Variants in ANGPT1 observed in about 807,000 individuals in gnomAD.
ANGPT1 encodes the protein angiopoietin-1.
A neutral mutation model predicts 62.2 loss-of-function variants in ANGPT1; 17 were observed. The observed-to-expected ratio is 0.27, with a 90% CI of 0.19 to 0.41. The LOEUF (loss-of-function observed/expected upper bound fraction) is 0.41. ANGPT1 is among the 10% of genes least tolerant of loss of function. ANGPT1 has a pLI of 1.00. For missense variants in ANGPT1, 478 were observed against 594.9 expected (o/e 0.80, Z 2.04); for synonymous variants, 199 against 198.9 (o/e 1.00, Z 0.00).
intron 1 of ANGPT1, among the ~76,000 whole-genome samples, chr8:107,409,719 C>T (rs1030620826): frequency 3.3e-5 from 5 of 149,356 alleles, no homozygotes; most frequent in African/African-American, 4.9e-5. Flanking sequence ...TGAAAAATGC[C>T]TTTTTTTTTT....
rs117440449 is a variant in ANGPT1, at chr8:107,297,135, T to C, written c.937-3098A>G. 2.9e-3 allele frequency among the ~76,000 whole-genome samples: 443 copies of C among 152,108 alleles called. 1 individual carries two copies. Among genetic ancestry groups the C allele is most frequent in the Middle Eastern group, 0.01 (3 of 294 alleles). On this transcript the variant is annotated intron_variant, in intron 5 of 8. Transcript: ENST00000517746. ...AAATAAAGACCTAGAGGAAAAACCA[T>C]TGGGAAATATAAATTACCCAGGCAG...
At chr8:107,254,736 A>G (rs1813320057) in intron 8 of ANGPT1, among the ~76,000 whole-genome samples, 1 of 152,076 alleles carries the variant, frequency 6.6e-6, no homozygotes, top group African/African-American at 2.4e-5. Context: ...ACAAGAAATG[A>G]CTTGCAGGAA....
At chr8:107,321,815 C>T in intron 4 of ANGPT1, 81 bp downstream of exon 4, 1 of 1,196,524 alleles carries the variant, frequency 8.4e-7, no homozygotes, top group South Asian at 1.4e-5. Context: ...AATCAATGCA[C>T]TGTAGAAAGC....
At chr8:107,459,523 AACAAC>A (rs1175576500) in intron 1 of ANGPT1, among the ~76,000 whole-genome samples, 8 of 149,558 alleles carry the variant, frequency 5.3e-5, no homozygotes, top group South Asian at 2.1e-4. Context: ...CAACAACAAC[AACAAC>A]AAAACAAGTA....
At position 107,314,478 on chromosome 8, in the gene ANGPT1, T is replaced by A. The variant is rs1814967384; in HGVS notation, c.808+7418A>T. Among the ~76,000 whole-genome samples the A allele has an allele frequency of 3.3e-5, 5 of 152,326 alleles. No individual in the cohort carries two copies. In the South Asian group the frequency reaches 1.0e-3, roughly 32 times the overall value. On this transcript the variant is annotated intron_variant, in intron 4 of 8. Transcript: ENST00000517746. ...TTTGGCTATCCACTATTCACAATTT[T>A]TTTTACAGAAATTATGACTATTCTA...
rs1815819886 is a variant in ANGPT1, at chr8:107,347,032, C to G, written c.363G>C (p.Gln121His). ...TCTCCAGCATGGTAGCCGTGTGGTTCTGAACTGCATTCTGCTGTATCTGGG... is the reference window on the plus strand; with the variant it reads ...TCTCCAGCATGGTAGCCGTGTGGTTGTGAACTGCATTCTGCTGTATCTGGG... The part of the protein sequence containing the change: ...EMAQIQQNAV[Q>H]NHTATMLEIG... The change falls in exon 2 of 9, where the codon CAG becomes CAC. Residue 121 changes from glutamine (Q) to histidine (H), a missense_variant. Transcript: ENST00000517746. 4 of 1,613,782 alleles carry G rather than the reference C, an allele frequency of 2.5e-6. No individual in the cohort carries two copies. The African/African-American group carries it at 5.3e-5, about 22-fold the overall frequency.
intron 7 of ANGPT1, among the ~76,000 whole-genome samples, chr8:107,280,114 G>T (rs1043254915): frequency 6.6e-6 from 1 of 152,144 alleles, no homozygotes. Context: ...ATTGGGGCAA[G>T]AGGGTCTTCA....
chr8:107,312,515 C>T (rs1028285183), intron 4 of ANGPT1, among the ~76,000 whole-genome samples: 3 of 152,198 alleles, frequency 2.0e-5, no homozygotes, highest in Non-Finnish European at 2.9e-5. Flanking sequence ...GACACATACA[C>T]AAAATTCCAC....
At chr8:107,264,450 T>G in intron 7 of ANGPT1, 99 bp from the exon 8 acceptor site, 1 of 1,440,160 alleles carries the variant, frequency 6.9e-7, no homozygotes, top group East Asian at 2.4e-5. Flanking sequence ...CATCATTTTC[T>G]TCTTTCTTTG....
At chr8:107,317,530 GTAAT>G (rs1485471528) in intron 4 of ANGPT1, among the ~76,000 whole-genome samples, 1 of 151,154 alleles carries the variant, frequency 6.6e-6, no homozygotes, top group Non-Finnish European at 1.5e-5. Flanking sequence ...CATGCTGTTA[GTAAT>G]TAAATTCCCA....
chr8:107,486,206 T>A lies in ANGPT1; in HGVS notation c.297+11056A>T, dbSNP rs180762574. 7.4e-4 allele frequency among the ~76,000 whole-genome samples: 113 copies of A among 152,256 alleles called. 3 individuals are homozygous for A. The highest frequency in any genetic ancestry group is 6.5e-3 in the Admixed American group (99 of 15,302). ...CAGAAAAATTTTTTAGAAATAGGCTTAAGGTTTGAGGATTGACAAGAGGAG... is the reference window on the plus strand; with the variant it reads ...CAGAAAAATTTTTTAGAAATAGGCTAAAGGTTTGAGGATTGACAAGAGGAG... On this transcript the variant is annotated intron_variant, in intron 1 of 8. Transcript: ENST00000517746.
Position 107,317,563 on chromosome 8 carries a change from G to GT in ANGPT1, c.808+4332dup, listed in dbSNP as rs1815044356. The stretch of plus-strand genomic sequence containing the variant: ...ATTCCCAATTATATATTTGCCACGT[G>GT]TATGCTCAACATGAGATGACATTTT... On this transcript the variant is annotated intron_variant, in intron 4 of 8. Transcript: ENST00000517746. Among the ~76,000 whole-genome samples the GT allele has an allele frequency of 5.3e-5, 8 of 151,198 alleles. No individual in the cohort carries two copies. In the South Asian group the frequency reaches 1.7e-3, roughly 32 times the overall value.
At chr8:107,309,368 T>TA (rs991705034) in intron 4 of ANGPT1, among the ~76,000 whole-genome samples, 30 of 152,222 alleles carry the variant, frequency 2.0e-4, no homozygotes, top group Admixed American at 4.6e-4. Context: ...ACTGAGCATA[T>TA]AAAGGAAGAA....
chr8:107,258,924 A>G (rs2130011522), intron 8 of ANGPT1, among the ~76,000 whole-genome samples: 1 of 152,304 alleles, frequency 6.6e-6, no homozygotes, highest in Admixed American at 6.5e-5. Flanking sequence ...ATGTCCTTTC[A>G]GAGTCTCTGC....
chr8:107,461,536 A>G (rs1184505978), intron 1 of ANGPT1, among the ~76,000 whole-genome samples: 34 of 152,118 alleles, frequency 2.2e-4, no homozygotes, highest in Admixed American at 2.2e-3. Flanking sequence ...TTTGTCACCT[A>G]AAATAATAAT....
At chr8:107,445,742 T>C (rs1811599527) in intron 1 of ANGPT1, among the ~76,000 whole-genome samples, 2 of 152,238 alleles carry the variant, frequency 1.3e-5, no homozygotes, top group Non-Finnish European at 2.9e-5. Flanking sequence ...AGTAACACTG[T>C]GTAATCACAC....
At chr8:107,313,932 G>A (rs997188229) in intron 4 of ANGPT1, among the ~76,000 whole-genome samples, 1 of 152,050 alleles carries the variant, frequency 6.6e-6, no homozygotes, top group Non-Finnish European at 1.5e-5. Flanking sequence ...TTGATATGAT[G>A]CATACATATT....
At chr8:107,463,671 C>A (rs1250643354) in intron 1 of ANGPT1, among the ~76,000 whole-genome samples, 2 of 151,988 alleles carry the variant, frequency 1.3e-5, no homozygotes, top group African/African-American at 4.8e-5. Context: ...TTTGAATAAA[C>A]CAATATTTAA....
chr8:107,253,742 C>A (rs1464655172), intron 8 of ANGPT1, among the ~76,000 whole-genome samples: 2 of 152,246 alleles, frequency 1.3e-5, no homozygotes, highest in African/African-American at 4.8e-5. Flanking sequence ...TCTGTTGCAA[C>A]AACAGCCTGG....
Sources: gnomAD v4.1 joint callset for allele counts (sites outside exome capture counted in the v4.1 genomes callset) on GRCh38, gnomAD v4.1.1 for gene constraint, MANE v1.5 for transcripts, NCBI Gene and HGNC (gene_info 2026-07-23, HGNC 2026-07-21) for gene names.